CDH17: variants seen among roughly 807,000 people sequenced by gnomAD.
The protein encoded by CDH17 is cadherin-17.
CDH17 carries 67 observed loss-of-function variants against 86.3 expected under a neutral mutation model. The ratio of observed to expected loss-of-function variants is 0.78; its 90% CI spans 0.64 to 0.95. The LOEUF (loss-of-function observed/expected upper bound fraction) is 0.95. Among genes scored for constraint, CDH17 ranks in the 40% least tolerant of loss-of-function variants. The pLI is 0.00. For missense variants in CDH17, 993 were observed against 1,017.6 expected, an observed-to-expected ratio of 0.98 and a Z score of 0.33; for synonymous variants, 367 against 366.4, an observed-to-expected ratio of 1.00 and a Z score of -0.02.
chr8:94,183,740 T>G (rs1319357216), intron 3 of CDH17, among the ~76,000 whole-genome samples: 1 of 151,532 alleles, frequency 6.6e-6, no homozygotes, highest in Non-Finnish European at 1.5e-5. Flanking sequence ...GCATTTGTGC[T>G]CCAAAGGACA....
chr8:94,210,963 T>TTGAGCCGAGATTGCAC (rs1814112789), upstream of CDH17, among the ~76,000 whole-genome samples: 1 of 150,250 alleles, frequency 6.7e-6, no homozygotes, highest in Non-Finnish European at 1.5e-5. Context: ...GGAGGTTGCA[T>TTGAGCCGAGATTGCAC]TGAGCCGAGA....
At chr8:94,210,311 C>T (rs144280517), upstream of CDH17, among the ~76,000 whole-genome samples, 845 of 150,230 alleles carry the variant, frequency 5.6e-3, 6 homozygotes, top group African/African-American at 0.018. Context: ...GGCCAAGTTC[C>T]GAAATGGGGT....
At chr8:94,171,603 C>G (rs543896516) in intron 7 of CDH17, among the ~76,000 whole-genome samples, 2 of 152,248 alleles carry the variant, frequency 1.3e-5, no homozygotes, top group South Asian at 4.2e-4. Context: ...TAGACAGAGC[C>G]TGGTCTGATA....
intron 12 of CDH17, among the ~76,000 whole-genome samples, chr8:94,156,825 T>C (rs1011928114): frequency 2.0e-5 from 3 of 152,262 alleles, no homozygotes; most frequent in Admixed American, 1.3e-4. Context: ...TTAGGAACTA[T>C]ACACATACTT....
At chr8:94,186,418 G>T (rs1475530325) in intron 3 of CDH17, among the ~76,000 whole-genome samples, 1 of 152,136 alleles carries the variant, frequency 6.6e-6, no homozygotes, top group Non-Finnish European at 1.5e-5. Context: ...CCAACCAGCA[G>T]ATTCAGTGTC....
intron 5 of CDH17, among the ~76,000 whole-genome samples, chr8:94,175,116 A>C (rs1052668266): frequency 6.6e-6 from 1 of 152,186 alleles, no homozygotes; most frequent in Admixed American, 6.5e-5. Flanking sequence ...AAATTCTACA[A>C]ATCAGAGCTT....
At position 94,176,564 on chromosome 8, in the gene CDH17, G is replaced by A. The variant is rs1356173930; in HGVS notation, c.401C>T (p.Ser134Leu). The change falls in exon 5 of 18, where the codon TCA becomes TTA. Residue 134 changes from serine to leucine, a missense_variant. Physicochemically the swap from Ser to Leu is moderately radical, Grantham distance 145. Transcript: ENST00000027335. ...ACCTGGGCGAGAGTTCTGCCTTACTGAGCCTTCGTACTTTGACTGGAGAAA... is the reference window on the plus strand; with the variant it reads ...ACCTGGGCGAGAGTTCTGCCTTACTAAGCCTTCGTACTTTGACTGGAGAAA... ...PTFLQSKYEG[S>L]VRQNSRPGKP... is the part of the protein sequence containing the mutation. 6.2e-7 allele frequency: 1 copy of A among 1,613,764 alleles called. No homozygotes were observed. Among genetic ancestry groups the A allele is most frequent in the Admixed American group, 1.7e-5 (1 of 60,006 alleles).
chr8:94,204,691 T>C (rs576199068), intron 1 of CDH17, among the ~76,000 whole-genome samples: 1 of 152,322 alleles, frequency 6.6e-6, no homozygotes, highest in African/African-American at 2.4e-5. Context: ...TAATTATTCT[T>C]ATTAAAGAAA....
intron 12 of CDH17, among the ~76,000 whole-genome samples, chr8:94,152,556 C>T (rs1473846630): frequency 1.3e-5 from 2 of 152,198 alleles, no homozygotes; most frequent in African/African-American, 2.4e-5. Context: ...CACCACCACA[C>T]CCAGCTAATT....
chr8:94,151,908 C>T lies in CDH17; in HGVS notation c.1756G>A (p.Gly586Ser). ...SEDVAIGTKV[G>S]NVTAKDPEGL... ...TCTGGATCCTTGGCAGTCACATTGC[C>T]CACTTTAGTGCCTATAGCTACATCC... The change falls in exon 13 of 18, where the codon GGC becomes AGC. Residue 586 changes from glycine to serine, a missense_variant. By Grantham distance (56) the Gly-to-Ser change is moderately conservative (BLOSUM62 0). Coordinates refer to ENST00000027335, the MANE Select transcript of CDH17 (RefSeq NM_004063.4). The T allele has an allele frequency of 6.2e-7, 1 of 1,614,110 alleles. No homozygotes were observed. The highest frequency in any genetic ancestry group is 8.5e-7 in the Non-Finnish European group (1 of 1,180,012).
intron 13 of CDH17, among the ~76,000 whole-genome samples, chr8:94,149,557 A>C (rs990028772): frequency 1.3e-5 from 2 of 152,000 alleles, no homozygotes; most frequent in Non-Finnish European, 2.9e-5. Flanking sequence ...TAGATGTTTA[A>C]GGCAAGAAGA....
intron 17 of CDH17, among the ~76,000 whole-genome samples, chr8:94,128,747 T>C (rs1175465579): frequency 1.3e-5 from 2 of 152,178 alleles, no homozygotes; most frequent in East Asian, 3.8e-4. Flanking sequence ...ACAATCCAAT[T>C]AGCACAACTA....
chr8:94,165,052 T>C (rs1813126563), intron 10 of CDH17, among the ~76,000 whole-genome samples: 1 of 152,202 alleles, frequency 6.6e-6, no homozygotes, highest in Admixed American at 6.5e-5. Context: ...TCCACTTTCC[T>C]ACAGTAGAGT....
Position 94,146,177 on chromosome 8 carries a change from T to C in CDH17, c.1928-10A>G. The C allele has an allele frequency of 6.7e-7, 1 of 1,484,326 alleles. No homozygotes were observed. Among genetic ancestry groups the C allele is most frequent in the Non-Finnish European group, 9.0e-7 (1 of 1,117,054 alleles). The allele number at this position is 1,484,326 out of a possible 1,614,324, so 91.9% of individuals were successfully genotyped here. A position where few individuals can be genotyped will look rare whatever the true frequency, so the allele number is the denominator to read the frequency against. On this transcript the variant is annotated splice_polypyrimidine_tract_variant and intron_variant, in intron 14 of 17. Coordinates refer to ENST00000027335, the MANE Select transcript of CDH17 (RefSeq NM_004063.4). ...CTCAAGGAAGACCCCCCTAAGGAAT[T>C]GAATGATTGAAACATGGGATCAGTT...
chr8:94,165,736 T>C (rs772780009), intron 10 of CDH17, 25 bp downstream of exon 10: 1 of 1,466,150 alleles, frequency 6.8e-7, no homozygotes, highest in South Asian at 1.1e-5. Context: ...TGATTTGCAC[T>C]CAAGACGGTG....
intron 1 of CDH17, among the ~76,000 whole-genome samples, chr8:94,213,572 G>T (rs1026746497): frequency 5.5e-5 from 6 of 109,030 alleles, no homozygotes; most frequent in Non-Finnish European, 1.4e-4. Context: ...TAAATTCCAA[G>T]AAATGACCAT....
At chr8:94,195,032 C>T (rs898064188) in intron 1 of CDH17, among the ~76,000 whole-genome samples, 1 of 152,172 alleles carries the variant, frequency 6.6e-6, no homozygotes, top group Non-Finnish European at 1.5e-5. Context: ...AACGCAGTCT[C>T]ACTTTGTCAT....
intron 4 of CDH17, 75 bp downstream of exon 4, chr8:94,177,512 G>C: frequency 6.7e-7 from 1 of 1,485,658 alleles, no homozygotes; most frequent in Non-Finnish European, 9.3e-7. Flanking sequence ...AGGAAGGAAG[G>C]TGCCAGCCAT....
At chr8:94,128,392 T>A in intron 17 of CDH17, 52 bp from the exon 18 acceptor site, 1 of 1,092,304 alleles carries the variant, frequency 9.2e-7, no homozygotes, top group Non-Finnish European at 1.4e-6. Context: ...AAATGTACTG[T>A]CACATTCAGT....
Sources: allele counts gnomAD v4.1 joint callset (sites outside exome capture counted in the v4.1 genomes callset), GRCh38; gene constraint gnomAD v4.1.1; transcripts MANE v1.5; gene names NCBI Gene and HGNC (gene_info 2026-07-23, HGNC 2026-07-21).